WIPF1: variants seen among roughly 807,000 people sequenced by gnomAD.
WIPF1 encodes WAS/WASL interacting protein family member 1.
A neutral mutation model predicts 35.4 loss-of-function variants in WIPF1; 13 were observed. That is an observed-to-expected ratio of 0.37 (90% CI 0.24 to 0.58). The LOEUF (loss-of-function observed/expected upper bound fraction) is 0.58. WIPF1 is among the 20% of genes least tolerant of loss of function. WIPF1 has a pLI of 0.74. For synonymous variants in WIPF1, 267 were observed against 266.3 expected (o/e 1.00, Z -0.02); for missense variants, 591 against 667.0 (o/e 0.89, Z 1.25).
At chr2:174,610,442 T>G (rs908518209) in intron 1 of WIPF1, among the ~76,000 whole-genome samples, 1 of 152,152 alleles carries the variant, frequency 6.6e-6, no homozygotes, top group Non-Finnish European at 1.5e-5. Context: ...TGACTACATT[T>G]AAATATTGAC....
intron 2 of WIPF1, among the ~76,000 whole-genome samples, chr2:174,583,651 T>G (rs535538317): frequency 1.3e-5 from 2 of 152,308 alleles, no homozygotes; most frequent in Non-Finnish European, 2.9e-5. Context: ...TGGTATAAGA[T>G]TCATGATTTT....
chr2:174,673,768 C>A (rs1688069072), intron 1 of WIPF1: 1 of 150,438 alleles, frequency 6.6e-6, no homozygotes, highest in Admixed American at 6.7e-5. Context: ...CTGATACATT[C>A]TTTTTAAAAC....
chr2:174,668,433 T>G (rs897965818), intron 1 of WIPF1, among the ~76,000 whole-genome samples: 1 of 152,154 alleles, frequency 6.6e-6, no homozygotes, highest in Non-Finnish European at 1.5e-5. Flanking sequence ...CATTTTTCAG[T>G]TGAGTATTAT....
rs1685028867 is a variant in WIPF1 at position 174,575,512 on chromosome 2, C to A, written c.182-132G>T. ...CAACTGGGATTTCTTCATTAAAATGCAGGATTTTAAGAGTTCCCTCAGCTC... is the reference window on the plus strand; with the variant it reads ...CAACTGGGATTTCTTCATTAAAATGAAGGATTTTAAGAGTTCCCTCAGCTC... On this transcript the variant is annotated intron_variant, in intron 3 of 7. Coordinates refer to ENST00000679041, the MANE Select transcript of WIPF1 (RefSeq NM_001375834.1). 4 of 1,442,996 alleles carry A rather than the reference C, an allele frequency of 2.8e-6. No individual in the cohort carries two copies. In the Admixed American group the frequency reaches 9.7e-5, roughly 35 times the overall value. 89.4% of individuals were successfully genotyped at this position (1,442,996 alleles called of 1,614,324 possible).
In WIPF1 at chr2:174,562,500, G is replaced by T. The variant is rs1284319780; in HGVS notation, c.*47C>A. On this transcript the variant is annotated 3_prime_UTR_variant, in exon 8 of 8. Transcript: ENST00000679041. ...GAGGAGGGTATGCAGTTCTTAGATA[G>T]CAACAGAAGCAGCTCTTGAGCTTGG... 1 of 1,613,710 alleles carries T rather than the reference G, an allele frequency of 6.2e-7. No individual in the cohort carries two copies. The highest frequency in any genetic ancestry group is 1.7e-5 in the Admixed American group (1 of 59,974).
chr2:174,562,030 G>T lies in WIPF1; in HGVS notation c.*517C>A, dbSNP rs1684497253. 1.3e-6 allele frequency: 2 copies of T among 1,538,670 alleles called. No homozygotes were observed. The highest frequency in any genetic ancestry group is 1.8e-6 in the Non-Finnish European group (2 of 1,136,454). On this transcript the variant is annotated 3_prime_UTR_variant, in exon 8 of 8. Coordinates refer to ENST00000679041, the MANE Select transcript of WIPF1 (RefSeq NM_001375834.1). Reference sequence around the variant, plus strand: ...GCTCACATTATATTTCTATTGGACAGCTCTGTCCTAGAGCCAAGCTCGGAC... The same window carrying T: ...GCTCACATTATATTTCTATTGGACATCTCTGTCCTAGAGCCAAGCTCGGAC...
In WIPF1 at chr2:174,585,538, G is replaced by A. The variant is rs767503365; in HGVS notation, c.36C>T (p.Pro12=). The change falls in exon 2 of 8, where the codon CCC becomes CCT. Residue 12 remains proline, a synonymous_variant. Coordinates refer to ENST00000679041, the MANE Select transcript of WIPF1 (RefSeq NM_001375834.1). ...PVPPPPAPPP[P]PTFALANTEK... ...AGACACTCACCAGTGCAAACGTCGG[G>A]GGCGGCGGGGGTGCTGGAGGGGGAG... 26 of 1,612,974 alleles carry A rather than the reference G, an allele frequency of 1.6e-5. No homozygotes were observed. Among genetic ancestry groups the A allele is most frequent in the South Asian group, 1.1e-5 (1 of 91,022 alleles).
rs1225689201 is a variant in WIPF1, at chr2:174,571,711, G to T, written c.1094C>A (p.Pro365His). The T allele has an allele frequency of 6.2e-7, 1 of 1,614,144 alleles. No individual in the cohort carries two copies. The highest frequency in any genetic ancestry group is 1.7e-5 in the Admixed American group (1 of 60,024). The change falls in exon 5 of 8, where the codon CCC becomes CAC. Residue 365 changes from proline to histidine, a missense_variant. Pro to His is a moderately conservative substitution (Grantham distance 77). Coordinates refer to ENST00000679041, the MANE Select transcript of WIPF1 (RefSeq NM_001375834.1). The surrounding 1 kb of genome is among the most constrained non-coding windows in gnomAD (Gnocchi z 4.6). Reference protein sequence around the residue: ...GPLPPPPSERPPPPVRDPPGR... With the variant: ...GPLPPPPSERHPPPVRDPPGR... Reference sequence around the variant, plus strand: ...TGGCGGGTCCCTCACTGGAGGTGGGGGTCTCTCACTGGGCGGGGGAGGAAG... The same window carrying T: ...TGGCGGGTCCCTCACTGGAGGTGGGTGTCTCTCACTGGGCGGGGGAGGAAG...
chr2:174,668,712 G>A (rs1559177621), intron 1 of WIPF1, among the ~76,000 whole-genome samples: 1 of 152,182 alleles, frequency 6.6e-6, no homozygotes, highest in African/African-American at 2.4e-5. Context: ...ACTGCTTCCC[G>A]CTGCCCTTTC....
intron 1 of WIPF1, among the ~76,000 whole-genome samples, chr2:174,648,326 T>G (rs1277252724): frequency 6.6e-6 from 1 of 152,186 alleles, no homozygotes; most frequent in Non-Finnish European, 1.5e-5. Flanking sequence ...CGCATACTTC[T>G]CAATGATATA....
intron 3 of WIPF1, among the ~76,000 whole-genome samples, chr2:174,579,947 C>T (rs941732369): frequency 6.6e-6 from 1 of 151,782 alleles, no homozygotes; most frequent in Non-Finnish European, 1.5e-5. Context: ...GAGTTAAATA[C>T]CTTAGTTCCT....
In WIPF1 at chr2:174,629,410, G is replaced by A. The variant is rs1212120440; in HGVS notation, c.-38-43799C>T. Among the ~76,000 whole-genome samples, 7 of 152,254 alleles carry A rather than the reference G, an allele frequency of 4.6e-5. No individual in the cohort carries two copies. The Middle Eastern group carries it at 0.01, about 222-fold the overall frequency. ...AGGCTATTAAATGCTCTGGGGAAGA[G>A]GAATAAAAAGCTCAGAGACAGGGCC... On this transcript the variant is annotated intron_variant, in intron 1 of 8. Coordinates refer to the WIPF1 transcript ENST00000272746.
At chr2:174,669,619 C>T (rs1246512888) in intron 1 of WIPF1, among the ~76,000 whole-genome samples, 2 of 152,254 alleles carry the variant, frequency 1.3e-5, no homozygotes, top group Non-Finnish European at 1.5e-5. Context: ...CCGTGGCTCA[C>T]GCCTGTAGTC....
At chr2:174,625,301 AT>A (rs369950300) in intron 1 of WIPF1, among the ~76,000 whole-genome samples, 24 of 152,294 alleles carry the variant, frequency 1.6e-4, no homozygotes, top group African/African-American at 5.5e-4. Context: ...CACTTCGAGG[AT>A]TGGTTTAGCA....
In WIPF1 at chr2:174,572,053, G is replaced by C; in HGVS notation, c.752C>G (p.Pro251Arg). The change falls in exon 5 of 8, where the codon CCC (proline) becomes CGC (arginine). Residue 251 changes from proline to arginine, a missense_variant. Physicochemically the swap from Pro to Arg is moderately radical, Grantham distance 103. Transcript: ENST00000679041. ...SSSSPFSNRPPLPPTPSRALD... is the reference protein window; with the variant it reads ...SSSSPFSNRPRLPPTPSRALD... Reference sequence around the variant, plus strand: ...GGCCCTGCTGGGGGTAGGCGGCAGGGGAGGCCGGTTGGAGAAGGGCGAGGA... The same window carrying C: ...GGCCCTGCTGGGGGTAGGCGGCAGGCGAGGCCGGTTGGAGAAGGGCGAGGA... The C allele has an allele frequency of 6.4e-7, 1 of 1,552,702 alleles. No individual in the cohort carries two copies. Among genetic ancestry groups the C allele is most frequent in the African/African-American group, 1.4e-5 (1 of 73,208 alleles).
chr2:174,667,945 T>G (rs538881546), intron 1 of WIPF1, among the ~76,000 whole-genome samples: 68 of 152,284 alleles, frequency 4.5e-4, no homozygotes, highest in African/African-American at 1.5e-3. Flanking sequence ...GTATCTGCTT[T>G]TTTGCCTGGG....
chr2:174,668,535 C>CTCT (rs1559177572), intron 1 of WIPF1, among the ~76,000 whole-genome samples: 1 of 152,172 alleles, frequency 6.6e-6, no homozygotes, highest in Admixed American at 6.5e-5. Context: ...ATTTGTGACA[C>CTCT]TCTAGGAAGA....
At chr2:174,661,407 CCT>C (rs757216171) in intron 1 of WIPF1, among the ~76,000 whole-genome samples, 1 of 152,042 alleles carries the variant, frequency 6.6e-6, no homozygotes, top group Non-Finnish European at 1.5e-5. Context: ...AGCCACACTC[CCT>C]CTCTCTCTTT....
At chr2:174,653,703 C>T (rs182341927) in intron 1 of WIPF1, among the ~76,000 whole-genome samples, 1 of 146,672 alleles carries the variant, frequency 6.8e-6, no homozygotes, top group African/African-American at 2.5e-5. Context: ...GATCACGCCA[C>T]TGCACTCCAG....
Sources: gnomAD v4.1 joint callset for allele counts (sites outside exome capture counted in the v4.1 genomes callset) on GRCh38, gnomAD v4.1.1 for gene constraint, Gnocchi (gnomAD v3.1) non-coding constraint, MANE v1.5 for transcripts, NCBI Gene and HGNC (gene_info 2026-07-23, HGNC 2026-07-21) for gene names.